Variants in PDE4D observed in about 807,000 individuals in gnomAD.
PDE4D encodes phosphodiesterase 4D.
A neutral mutation model predicts 87.4 loss-of-function variants in PDE4D; 24 were observed. The observed-to-expected ratio is 0.27, with a 90% CI of 0.20 to 0.39. The LOEUF (loss-of-function observed/expected upper bound fraction) is 0.39. Among genes scored for constraint, PDE4D ranks in the 10% least tolerant of loss-of-function variants. The pLI, the probability that PDE4D is intolerant of heterozygous loss-of-function variation, is 1.00. For missense variants in PDE4D, 714 were observed against 1,041.0 expected, an observed-to-expected ratio of 0.69 and a Z score of 4.32; for synonymous variants, 384 against 383.2, an observed-to-expected ratio of 1.00 and a Z score of -0.02.
chr5:59,039,152 G>A lies in PDE4D; in HGVS notation c.809-181C>T, dbSNP rs921415225. 2.7e-5 allele frequency: 36 copies of A among 1,357,612 alleles called. 1 individual carries two copies. The highest frequency in any genetic ancestry group is 2.6e-4 in the South Asian group (15 of 58,352). 84.1% of individuals were successfully genotyped at this position (1,357,612 alleles called of 1,614,324 possible). A position where few individuals can be genotyped will look rare whatever the true frequency, so the allele number is the denominator to read the frequency against. On this transcript the variant is annotated intron_variant, in intron 5 of 14. Transcript: ENST00000340635. The stretch of plus-strand genomic sequence containing the variant: ...CAACGGGGGCGGAGGCTGTGCTCGC[G>A]GGGCGGCCGGCCTCGGGGAGGCACG...
chr5:59,504,902 ATGTGTGTGTGTG>A (rs61507201), intron 1 of PDE4D, among the ~76,000 whole-genome samples: 2,315 of 145,812 alleles, frequency 0.016, 27 homozygotes, highest in Middle Eastern at 0.035. Context: ...GTAGGGGTAT[ATGTGTGTGTGTG>A]TGTGTGTGTG....
intron 1 of PDE4D, among the ~76,000 whole-genome samples, chr5:59,358,741 G>A (rs998508338): frequency 6.6e-6 from 1 of 151,912 alleles, no homozygotes; most frequent in African/African-American, 2.4e-5. Context: ...GAAAGGGAGG[G>A]GGAGGGAGGC....
chr5:59,333,088 TGTTGGCAGTTTGA>T (rs1272687265), intron 1 of PDE4D, among the ~76,000 whole-genome samples: 2 of 152,230 alleles, frequency 1.3e-5, no homozygotes, highest in African/African-American at 4.8e-5. Context: ...CAAGCATATC[TGTTGGCAGTTTGA>T]GTTTTCCTCA....
chr5:60,519,781 C>T (rs1299341038), intron 1 of PDE4D, among the ~76,000 whole-genome samples: 1 of 152,098 alleles, frequency 6.6e-6, no homozygotes, highest in Non-Finnish European at 1.5e-5. Context: ...TGTTTAAATT[C>T]TGTTAAATGA....
At chr5:58,999,584 G>C (rs1227925002) in intron 6 of PDE4D, 3 of 1,195,280 alleles carry the variant, frequency 2.5e-6, no homozygotes, top group Admixed American at 3.9e-5. Flanking sequence ...TATATAGTAA[G>C]CTCTAAAATG....
chr5:59,953,671 C>T (rs1758532414), intron 3 of PDE4D, among the ~76,000 whole-genome samples: 1 of 152,172 alleles, frequency 6.6e-6, no homozygotes. Flanking sequence ...ATTATTTATA[C>T]TGCTCACAGT....
At chr5:59,148,953 C>A (rs536793005) in intron 5 of PDE4D, among the ~76,000 whole-genome samples, 24 of 152,216 alleles carry the variant, frequency 1.6e-4, no homozygotes, top group African/African-American at 5.8e-4. Flanking sequence ...CGGAATCCTG[C>A]AATGCTTGTG....
chr5:59,160,176 A>T (rs1780844254), intron 5 of PDE4D, among the ~76,000 whole-genome samples: 1 of 152,244 alleles, frequency 6.6e-6, no homozygotes, highest in Non-Finnish European at 1.5e-5. Flanking sequence ...GGATGGAGAT[A>T]AACTAGCCTT....
intron 2 of PDE4D, among the ~76,000 whole-genome samples, chr5:60,045,345 G>A (rs936016865): frequency 2.6e-5 from 4 of 152,108 alleles, no homozygotes; most frequent in Non-Finnish European, 5.9e-5. Flanking sequence ...TTCTTTTGCT[G>A]TGCAGAAGCT....
chr5:59,507,973 A>G (rs572141085), intron 1 of PDE4D, among the ~76,000 whole-genome samples: 1 of 152,178 alleles, frequency 6.6e-6, no homozygotes, highest in Non-Finnish European at 1.5e-5. Flanking sequence ...CTCTTATGGT[A>G]TAATTCAACA....
chr5:59,978,574 G>T (rs1379433673), intron 3 of PDE4D, among the ~76,000 whole-genome samples: 2 of 152,186 alleles, frequency 1.3e-5, no homozygotes. Context: ...TAAAGATGCT[G>T]TGAACATTGT....
chr5:59,893,221 G>T lies in PDE4D; in HGVS notation c.402C>A (p.Pro134=), dbSNP rs369694063. Residue 134 remains proline (P), a synonymous_variant, in exon 1 of 15, where the codon CCC becomes CCA. Transcript: ENST00000340635. ...AGGACATCCTGGATTTCTTCAGGCC[G>T]GGCCGGTGGCCGGTCTCCACCGCGT... ...TSYAVETGHR[P]GLKKSRMSWP... 9.0e-6 allele frequency: 14 copies of T among 1,562,072 alleles called. No individual in the cohort carries two copies. In the African/African-American group the frequency reaches 1.8e-4, roughly 20 times the overall value.
rs762506771 is a variant in PDE4D at position 59,985,124 on chromosome 5, G to GTTTTTTTTTTTTTTTT, written c.272+3363_272+3364insAAAAAAAAAAAAAAAA. On this transcript the variant is annotated intron_variant, in intron 3 of 16. Transcript: ENST00000502484. ...AATATAAGCCCGAACTTCACCTTTCGTTTTTTGTTTTTTGTTTTTTGTTTT... is the reference window on the plus strand; with the variant it reads ...AATATAAGCCCGAACTTCACCTTTCGTTTTTTTTTTTTTTTTTTTTTTGTTTTTTGTTTTTTGTTTT... Among the ~76,000 whole-genome samples the GTTTTTTTTTTTTTTTT allele has an allele frequency of 8.3e-4, 92 of 111,330 alleles. 24 individuals are homozygous for GTTTTTTTTTTTTTTTT. Among genetic ancestry groups the GTTTTTTTTTTTTTTTT allele is most frequent in the East Asian group, 7.5e-3 (20 of 2,658 alleles). The allele number at this position is 111,330 out of a possible 152,430, so 73.0% of individuals were successfully genotyped here.
At chr5:60,199,252 A>C (rs1405046523) in intron 1 of PDE4D, among the ~76,000 whole-genome samples, 1 of 151,744 alleles carries the variant, frequency 6.6e-6, no homozygotes, top group Non-Finnish European at 1.5e-5. Flanking sequence ...GAGAAAGAAC[A>C]AGTGGAGGAC....
At chr5:59,465,409 A>G (rs919753361) in intron 1 of PDE4D, among the ~76,000 whole-genome samples, 1 of 152,140 alleles carries the variant, frequency 6.6e-6, no homozygotes, top group Non-Finnish European at 1.5e-5. Context: ...CATACTCTGA[A>G]ACTCTCCTCA....
At chr5:59,805,932 A>G (rs1767684010) in intron 1 of PDE4D, among the ~76,000 whole-genome samples, 1 of 152,168 alleles carries the variant, frequency 6.6e-6, no homozygotes, top group Non-Finnish European at 1.5e-5. Context: ...TCTCCTATTG[A>G]GTCTCTGCCA....
At chr5:60,106,199 G>A (rs1776892664) in intron 2 of PDE4D, among the ~76,000 whole-genome samples, 1 of 151,534 alleles carries the variant, frequency 6.6e-6, no homozygotes, top group Admixed American at 6.6e-5. Flanking sequence ...AAAGGCAGGG[G>A]TTGCAATCCT....
At chr5:60,277,836 A>G (rs1048711163) in intron 1 of PDE4D, among the ~76,000 whole-genome samples, 3 of 152,168 alleles carry the variant, frequency 2.0e-5, no homozygotes, top group Non-Finnish European at 4.4e-5. Flanking sequence ...AGTGAAGTAT[A>G]GAAACCTTAC....
At chr5:60,443,906 T>A (rs1369248771) in intron 1 of PDE4D, among the ~76,000 whole-genome samples, 2 of 152,054 alleles carry the variant, frequency 1.3e-5, no homozygotes, top group African/African-American at 4.8e-5. Context: ...TACACATCAA[T>A]GTGGACAGCT....
Sources: allele counts gnomAD v4.1 joint callset (sites outside exome capture counted in the v4.1 genomes callset), GRCh38; gene constraint gnomAD v4.1.1; transcripts MANE v1.5; gene names NCBI Gene and HGNC (gene_info 2026-07-23, HGNC 2026-07-21).